FAM169A: variants seen among roughly 807,000 people sequenced by gnomAD.
FAM169A encodes the protein soluble lamin-associated protein of 75 kDa.
In FAM169A, 24 loss-of-function variants were observed where a neutral mutation model predicts 75.7. The observed-to-expected ratio is 0.32, with a 90% CI of 0.23 to 0.45. FAM169A has a LOEUF of 0.45. Ranked by LOEUF, FAM169A falls within the 20% of genes least tolerant of loss-of-function variation. The pLI, the probability that FAM169A is intolerant of heterozygous loss-of-function variation, is 1.00. For synonymous variants in FAM169A, 271 were observed against 271.0 expected, an observed-to-expected ratio of 1.00 and a Z score of 0.00; for missense variants, 673 against 784.0, an observed-to-expected ratio of 0.86 and a Z score of 1.69.
chr5:74,800,781 A>G (rs1746531777), intron 10 of FAM169A, 99 bp downstream of exon 10: 2 of 356,842 alleles, frequency 5.6e-6, no homozygotes, highest in Non-Finnish European at 4.4e-6. Context: ...ATAAAATAGT[A>G]TATATTATAT....
At position 74,818,753 on chromosome 5, in the gene FAM169A, G is replaced by A. The variant is rs555659219; in HGVS notation, c.491-4734C>T. On this transcript the variant is annotated intron_variant, in intron 5 of 12. Transcript: ENST00000687041. ...TACAGATACGTTTATTATCTTGATT[G>A]TGGTGACGGTTTCACAGCTCTCTCT... 1.0e-3 allele frequency among the ~76,000 whole-genome samples: 155 copies of A among 149,892 alleles called. 1 individual carries two copies. Among genetic ancestry groups the A allele is most frequent in the African/African-American group, 2.7e-3 (109 of 40,380 alleles).
chr5:74,852,958 T>C (rs1211793304), intron 1 of FAM169A, among the ~76,000 whole-genome samples: 1 of 152,204 alleles, frequency 6.6e-6, no homozygotes, highest in Non-Finnish European at 1.5e-5. Flanking sequence ...ATAAATCTTT[T>C]AATATACTTA....
chr5:74,782,796 A>G, intron 12 of FAM169A, 135 bp downstream of exon 12: 1 of 540,054 alleles, frequency 1.9e-6, no homozygotes, highest in South Asian at 3.3e-5. Context: ...ATAATATCAA[A>G]TCTAGTATAA....
intron 1 of FAM169A, among the ~76,000 whole-genome samples, chr5:74,853,426 G>A (rs1199283033): frequency 6.6e-6 from 1 of 152,138 alleles, no homozygotes. Flanking sequence ...CAGATGTGGA[G>A]AGGTTAAGTA....
chr5:74,866,322 C>T lies in FAM169A; in HGVS notation c.-161G>A. The T allele has an allele frequency of 1.0e-6, 1 of 984,488 alleles. No homozygotes were observed. The highest frequency in any genetic ancestry group is 4.7e-5 in the South Asian group (1 of 21,290). The allele number at this position is 984,488 out of a possible 1,614,324, so 61.0% of individuals were successfully genotyped here. ...GAGTGCGGCTGCCTCCCGCTCGCCC[C>T]GGACGCCCGGCTCCTCGTCGCGGGT... On this transcript the variant is annotated 5_prime_UTR_variant, in exon 1 of 13. Transcript: ENST00000687041.
chr5:74,810,819 CTTTTTTTTT>C (rs59139246), intron 6 of FAM169A, among the ~76,000 whole-genome samples: 4 of 115,184 alleles, frequency 3.5e-5, no homozygotes, highest in African/African-American at 3.5e-5. Flanking sequence ...GATATTTGCC[CTTTTTTTTT>C]TTTTTTTTTT....
intron 11 of FAM169A, among the ~76,000 whole-genome samples, chr5:74,793,935 A>AG: frequency 7.0e-6 from 1 of 142,994 alleles, no homozygotes; most frequent in South Asian, 2.3e-4. Context: ...CCCAGGAGGC[A>AG]GAGCTTGCAG....
intron 5 of FAM169A, among the ~76,000 whole-genome samples, chr5:74,822,108 A>C (rs1001146387): frequency 1.8e-4 from 28 of 152,192 alleles, no homozygotes; most frequent in Non-Finnish European, 4.1e-4. Flanking sequence ...TCTCCTGGTT[A>C]AAGCAAGTTA....
rs549883387 is a variant in FAM169A at position 74,840,791 on chromosome 5, T to A, written c.133-618A>T. 1.7e-4 allele frequency among the ~76,000 whole-genome samples: 26 copies of A among 150,022 alleles called. No individual in the cohort carries two copies. The South Asian group carries it at 4.8e-3, about 28-fold the overall frequency. Reference sequence around the variant, plus strand: ...TTGCAGTGAGCCAAGATCGTGCCAATGCACTCCAACCTGGGCGACAGACCG... The same window carrying A: ...TTGCAGTGAGCCAAGATCGTGCCAAAGCACTCCAACCTGGGCGACAGACCG... On this transcript the variant is annotated intron_variant, in intron 2 of 12. Coordinates refer to ENST00000687041, the MANE Select transcript of FAM169A (RefSeq NM_001376049.1).
intron 5 of FAM169A, among the ~76,000 whole-genome samples, chr5:74,829,657 C>CA (rs1298820511): frequency 6.7e-6 from 1 of 150,080 alleles, no homozygotes; most frequent in Non-Finnish European, 1.5e-5. Flanking sequence ...GACCCTAGCT[C>CA]AAAAAAATAA....
At chr5:74,818,951 G>A (rs1747630941) in intron 5 of FAM169A, among the ~76,000 whole-genome samples, 1 of 152,168 alleles carries the variant, frequency 6.6e-6, no homozygotes, top group Non-Finnish European at 1.5e-5. Flanking sequence ...TAGGCGCGGA[G>A]GCTCACGCCT....
rs561418919 is a variant in FAM169A, at chr5:74,790,052, G to C, written c.1260+5978C>G. The stretch of plus-strand genomic sequence containing the variant: ...CATCAAATTGAAGTGGTATATATGT[G>C]ATCGGGCTTGAGCAGGTCTTGAAGA... On this transcript the variant is annotated intron_variant, in intron 11 of 12. Transcript: ENST00000687041. 4.6e-5 allele frequency among the ~76,000 whole-genome samples: 7 copies of C among 152,314 alleles called. No individual in the cohort carries two copies. In the East Asian group the frequency reaches 1.4e-3, roughly 29 times the overall value.
At chr5:74,850,602 C>T (rs1160706020) in intron 1 of FAM169A, among the ~76,000 whole-genome samples, 1 of 152,074 alleles carries the variant, frequency 6.6e-6, no homozygotes, top group African/African-American at 2.4e-5. Flanking sequence ...GCTATGTAAC[C>T]ATGGGCAAAT....
chr5:74,831,575 C>T (rs1193556072), intron 5 of FAM169A, among the ~76,000 whole-genome samples: 2 of 152,206 alleles, frequency 1.3e-5, no homozygotes, highest in East Asian at 1.9e-4. Flanking sequence ...TTGGGCAACC[C>T]TAATCCAAAC....
At chr5:74,865,937 C>T (rs1307257513) in intron 1 of FAM169A, 1 of 152,700 alleles carries the variant, frequency 6.5e-6, no homozygotes, top group African/African-American at 2.4e-5. Flanking sequence ...CTGGGGGCGC[C>T]ACACGCCCTA....
intron 4 of FAM169A, among the ~76,000 whole-genome samples, chr5:74,838,059 G>A (rs1748660850): frequency 6.7e-6 from 1 of 148,956 alleles, no homozygotes; most frequent in South Asian, 2.1e-4. Flanking sequence ...TGAGGTTGTG[G>A]TGAGCAGAGA....
chr5:74,849,472 T>C (rs1749328019), intron 1 of FAM169A, among the ~76,000 whole-genome samples: 1 of 152,138 alleles, frequency 6.6e-6, no homozygotes, highest in Middle Eastern at 3.2e-3. Flanking sequence ...AAGAAGTATG[T>C]ACACTATAGA....
intron 5 of FAM169A, among the ~76,000 whole-genome samples, chr5:74,817,582 T>A (rs944721306): frequency 2.0e-5 from 3 of 152,192 alleles, no homozygotes; most frequent in African/African-American, 7.2e-5. Context: ...AAAAACTTAA[T>A]ATGCTAAGAT....
At chr5:74,826,386 C>T (rs1748027830) in intron 5 of FAM169A, among the ~76,000 whole-genome samples, 1 of 152,170 alleles carries the variant, frequency 6.6e-6, no homozygotes, top group Non-Finnish European at 1.5e-5. Context: ...GTGGGGCTTG[C>T]TGGCAATGGA....
Sources: gnomAD v4.1 joint callset for allele counts (sites outside exome capture counted in the v4.1 genomes callset) on GRCh38, gnomAD v4.1.1 for gene constraint, MANE v1.5 for transcripts, NCBI Gene and HGNC (gene_info 2026-07-23, HGNC 2026-07-21) for gene names.